Variants in TAT observed in about 807,000 individuals in gnomAD.
TAT encodes the protein tyrosine aminotransferase, also known as L-tyrosine:2-oxoglutarate aminotransferase.
TAT carries 35 observed loss-of-function variants against 53.6 expected under a neutral mutation model. The ratio of observed to expected loss-of-function variants is 0.65; its 90% CI spans 0.50 to 0.87. TAT has a LOEUF of 0.87. Among genes scored for constraint, TAT ranks in the 40% least tolerant of loss-of-function variants. The pLI is 0.00. For synonymous variants in TAT, 197 were observed against 206.5 expected, an observed-to-expected ratio of 0.95 and a Z score of 0.39; for missense variants, 525 against 571.8, an observed-to-expected ratio of 0.92 and a Z score of 0.83.
intron 9 of TAT, 106 bp downstream of exon 9, chr16:71,570,163 A>G: frequency 1.3e-6 from 2 of 1,563,548 alleles, no homozygotes; most frequent in Non-Finnish European, 1.7e-6. Flanking sequence ...GCCGTCTCCT[A>G]ATATTGGAAC....
At chr16:71,570,244 A>G (rs763937507) in intron 9 of TAT, 25 bp downstream of exon 9, 1 of 1,614,120 alleles carries the variant, frequency 6.2e-7, no homozygotes, top group East Asian at 2.2e-5. Context: ...AAACTCCCAA[A>G]GTGGAGGGCA....
chr16:71,575,821 G>T, intron 3 of TAT, 101 bp downstream of exon 3: 1 of 1,200,694 alleles, frequency 8.3e-7, no homozygotes, highest in Non-Finnish European at 1.2e-6. Flanking sequence ...CTTAGGAATT[G>T]TGCATCAGGA....
chr16:71,569,810 C>T (rs754807334), intron 10 of TAT, 44 bp downstream of exon 10: 45 of 1,582,972 alleles, frequency 2.8e-5, no homozygotes, highest in Non-Finnish European at 3.8e-5. Flanking sequence ...TGCCCTTTGC[C>T]TTACAACATG....
intron 11 of TAT, 100 bp from the exon 12 acceptor site, chr16:71,568,384 C>T: frequency 1.8e-6 from 2 of 1,138,406 alleles, no homozygotes; most frequent in Non-Finnish European, 2.6e-6. Flanking sequence ...GGTACCATTT[C>T]ATCAGGGCCA....
chr16:71,573,021 G>GACAGACACACATTATGTTAGAA (rs1191789165), intron 4 of TAT, among the ~76,000 whole-genome samples: 2 of 152,122 alleles, frequency 1.3e-5, no homozygotes, highest in African/African-American at 4.8e-5. Flanking sequence ...ACATACAGGT[G>GACAGACACACATTATGTTAGAA]ACAGACACAC....
At position 71,572,205 on chromosome 16, in the gene TAT, A is replaced by G. The variant is rs1597054169; in HGVS notation, c.687T>C (p.His229=). The change falls in exon 6 of 12, where the codon CAT becomes CAC. Residue 229 remains histidine, a synonymous_variant. Coordinates refer to ENST00000355962, the MANE Select transcript of TAT (RefSeq NM_000353.3). ...ACGTACCTGCCAGAATCTTCTGAAGATGACGTTTGCTGAACACTGACCCAC... is the reference window on the plus strand; with the variant it reads ...ACGTACCTGCCAGAATCTTCTGAAGGTGACGTTTGCTGAACACTGACCCAC... ...NPCGSVFSKR[H]LQKILAVAAR... 4.3e-6 allele frequency: 7 copies of G among 1,614,194 alleles called. No individual in the cohort carries two copies. The highest frequency in any genetic ancestry group is 5.1e-6 in the Non-Finnish European group (6 of 1,180,014).
intron 10 of TAT, among the ~76,000 whole-genome samples, chr16:71,569,141 C>T (rs1317719780): frequency 6.6e-6 from 1 of 152,146 alleles, no homozygotes; most frequent in Non-Finnish European, 1.5e-5. Context: ...GGATATTTAA[C>T]ATCCCTGACC....
rs1201998786 is a variant in TAT at position 71,570,656 on chromosome 16, A to G, written c.912+23T>C. ...AATAAATATATACCCTAAATTACAC[A>G]TACTCTTTCACCATATTATCACCTC... On this transcript the variant is annotated intron_variant, in intron 8 of 11. Transcript: ENST00000355962. The G allele has an allele frequency of 3.7e-6, 6 of 1,613,988 alleles. No individual in the cohort carries two copies. In the African/African-American group the frequency reaches 4.0e-5, roughly 11 times the overall value.
At chr16:71,574,201 A>G (rs1211595840) in intron 3 of TAT, among the ~76,000 whole-genome samples, 1 of 152,254 alleles carries the variant, frequency 6.6e-6, no homozygotes, top group Non-Finnish European at 1.5e-5. Flanking sequence ...ACTCTGCACC[A>G]TCTTGATTTC....
chr16:71,570,023 AGTGGGAAC>A lies in TAT; in HGVS notation c.1042-94_1042-87del, dbSNP rs1217542131. On this transcript the variant is annotated intron_variant, in intron 9 of 11. Transcript: ENST00000355962. Reference sequence around the variant, plus strand: ...ATTAAAAATAGCCCCCTCATTGAAGAGTGGGAACGTAGGTGTGATGTTCTGGCATAAGG... The same window carrying A: ...ATTAAAAATAGCCCCCTCATTGAAGAGTAGGTGTGATGTTCTGGCATAAGG... The A allele has an allele frequency of 3.6e-6, 5 of 1,384,378 alleles. No individual in the cohort carries two copies. In the African/African-American group the frequency reaches 7.2e-5, roughly 20 times the overall value. The allele number at this position is 1,384,378 out of a possible 1,614,324, so 85.8% of individuals were successfully genotyped here. A position where few individuals can be genotyped will look rare whatever the true frequency, so the allele number is the denominator to read the frequency against.
Position 71,572,181 on chromosome 16 carries a change from C to A in TAT, c.706+5G>T. 6.2e-7 allele frequency: 1 copy of A among 1,614,068 alleles called. No homozygotes were observed. Among genetic ancestry groups the A allele is most frequent in the Non-Finnish European group, 8.5e-7 (1 of 1,179,932 alleles). On this transcript the variant is annotated splice_donor_5th_base_variant and intron_variant, in intron 6 of 11. Coordinates refer to ENST00000355962, the MANE Select transcript of TAT (RefSeq NM_000353.3). ...CTCGTCCTCTGTGAAGTCTGCTGGA[C>A]GTACCTGCCAGAATCTTCTGAAGAT...
rs1044403612 is a variant in TAT, at chr16:71,576,444, G to A, written c.-12-17C>T. 1 of 1,602,672 alleles carries A rather than the reference G, an allele frequency of 6.2e-7. No individual in the cohort carries two copies. Among genetic ancestry groups the A allele is most frequent in the Non-Finnish European group, 8.5e-7 (1 of 1,169,956 alleles). On this transcript the variant is annotated splice_polypyrimidine_tract_variant and intron_variant, in intron 1 of 11. Transcript: ENST00000355962. ...TAGCGAAGCCTGCGAGGGGAAAGAA[G>A]TTCCCTGTGATGTTGATAACATAGC...
rs1018491678 is a variant in TAT at position 71,568,146 on chromosome 16, A to G, written c.1363T>C (p.Ter455GlnextTer74). 1 of 1,614,088 alleles carries G rather than the reference A, an allele frequency of 6.2e-7. No individual in the cohort carries two copies. The highest frequency in any genetic ancestry group is 8.5e-7 in the Non-Finnish European group (1 of 1,180,048). The change falls in exon 12 of 12, where the codon TAG becomes CAG. Residue 455 changes from the stop codon to glutamine (Q), a stop_lost. Transcript: ENST00000355962. ...AEGSQEECDK* is the reference protein window; with the variant it reads ...AEGSQEECDKQ ...TCCTCAGGAGAATGGATGCAGGCCT[A>G]TTTATCACACTCCTCCTGGCTGCCT...
chr16:71,566,783 T>C lies in TAT; in HGVS notation c.*1361A>G, dbSNP rs2044165734. On this transcript the variant is annotated 3_prime_UTR_variant, in exon 12 of 12. Transcript: ENST00000355962. ...TGAAACCTCATAGGTAATGAAACAA[T>C]GAGACTGAGGAGTGCCTGGGATTAG... The C allele has an allele frequency of 6.7e-6, 1 of 149,348 alleles. No homozygotes were observed. 9.3% of individuals were successfully genotyped at this position (149,348 alleles called of 1,614,324 possible).
At chr16:71,568,372 G>T in intron 11 of TAT, 88 bp from the exon 12 acceptor site, 1 of 1,366,318 alleles carries the variant, frequency 7.3e-7, no homozygotes. Flanking sequence ...TCCACAAGAA[G>T]TGGTACCATT....
intron 9 of TAT, 105 bp from the exon 10 acceptor site, chr16:71,570,042 T>C: frequency 7.6e-7 from 1 of 1,323,242 alleles, no homozygotes; most frequent in South Asian, 1.3e-5. Context: ...GTAGGTGTGA[T>C]GTTCTGGCAT....
At chr16:71,570,174 A>G in intron 9 of TAT, 95 bp downstream of exon 9, 12 of 1,587,648 alleles carry the variant, frequency 7.6e-6, no homozygotes, top group East Asian at 2.2e-5. Context: ...ATATTGGAAC[A>G]TGGCTCCAGA....
At chr16:71,574,604 A>AG (rs1158840493) in intron 3 of TAT, among the ~76,000 whole-genome samples, 2 of 148,160 alleles carry the variant, frequency 1.3e-5, no homozygotes, top group African/African-American at 5.0e-5. Flanking sequence ...AAAAAAAAAA[A>AG]AAGAAGTTGT....
chr16:71,575,716 G>A (rs2044230175), intron 3 of TAT: 1 of 625,974 alleles, frequency 1.6e-6, no homozygotes, highest in Admixed American at 2.5e-5. Context: ...ATATGTCAAA[G>A]AAAGCCAGGA....
Sources: gnomAD v4.1 joint callset for allele counts (sites outside exome capture counted in the v4.1 genomes callset) on GRCh38, gnomAD v4.1.1 for gene constraint, MANE v1.5 for transcripts, NCBI Gene and HGNC (gene_info 2026-07-23, HGNC 2026-07-21) for gene names.